SNX8: variants seen among roughly 807,000 people sequenced by gnomAD.
The protein encoded by SNX8 is sorting nexin 8.
SNX8 carries 25 observed loss-of-function variants against 51.6 expected under a neutral mutation model. That is an observed-to-expected ratio of 0.48 (90% CI 0.35 to 0.68). SNX8 has a LOEUF of 0.68. SNX8 is among the 30% of genes least tolerant of loss of function. The pLI, the probability that SNX8 is intolerant of heterozygous loss-of-function variation, is 0.00. For missense variants in SNX8, 695 were observed against 624.0 expected, an observed-to-expected ratio of 1.11 and a Z score of -1.21; for synonymous variants, 324 against 277.0, an observed-to-expected ratio of 1.17 and a Z score of -1.68.
chr7:2,275,088 G>T, intron 3 of SNX8, 24 bp downstream of exon 3: 2 of 1,520,036 alleles, frequency 1.3e-6, no homozygotes, highest in Non-Finnish European at 1.8e-6. Flanking sequence ...CTCCGCCCCC[G>T]GTGGGCAGCA....
At chr7:2,343,590 G>C (rs1161599834) in intron 1 of SNX8, among the ~76,000 whole-genome samples, 1 of 152,000 alleles carries the variant, frequency 6.6e-6, no homozygotes, top group African/African-American at 2.4e-5. Flanking sequence ...CAGGAGAATG[G>C]CGTAAACCCG....
intron 2 of SNX8, 23 bp downstream of exon 2, chr7:2,278,075 GAC>G (rs777507614): frequency 6.8e-6 from 11 of 1,606,618 alleles, no homozygotes; most frequent in Non-Finnish European, 6.0e-6. Flanking sequence ...CTCCTGCCCC[GAC>G]ACACACACAA....
At chr7:2,261,337 G>T (rs1000051263) in intron 7 of SNX8, among the ~76,000 whole-genome samples, 2 of 152,356 alleles carry the variant, frequency 1.3e-5, no homozygotes, top group South Asian at 2.1e-4. Flanking sequence ...GGAGGCTGAG[G>T]CAGGAGAATC....
chr7:2,285,293 G>A (rs1796002579), intron 1 of SNX8, among the ~76,000 whole-genome samples: 1 of 152,070 alleles, frequency 6.6e-6, no homozygotes, highest in African/African-American at 2.4e-5. Context: ...GGAGGCTGAG[G>A]CAGGAGAATT....
chr7:2,313,879 C>T (rs546433016), intron 1 of SNX8, among the ~76,000 whole-genome samples: 43 of 152,324 alleles, frequency 2.8e-4, no homozygotes, highest in African/African-American at 9.4e-4. Context: ...ACCACACAAC[C>T]GACAGGAGCT....
chr7:2,282,749 G>A (rs1795935967), intron 1 of SNX8, among the ~76,000 whole-genome samples: 3 of 152,154 alleles, frequency 2.0e-5, no homozygotes, highest in African/African-American at 7.2e-5. Context: ...GGCCGAGGCA[G>A]GTGGATCACC....
chr7:2,261,455 T>C (rs1584668911), intron 7 of SNX8, among the ~76,000 whole-genome samples: 1 of 152,146 alleles, frequency 6.6e-6, no homozygotes, highest in African/African-American at 2.4e-5. Context: ...AAAAAAGAAA[T>C]AGCTGTTTTA....
intron 2 of SNX8, among the ~76,000 whole-genome samples, chr7:2,277,539 G>A (rs761002181): frequency 6.6e-5 from 10 of 152,266 alleles, no homozygotes; most frequent in South Asian, 4.1e-4. Flanking sequence ...GGTGGCTCAC[G>A]CCAGTAATCC....
chr7:2,278,318 T>C lies in SNX8; in HGVS notation c.95-13A>G, dbSNP rs373579401. ...GGTGTCGGCAGATCTGCAGGGGAGA[T>C]GGTGAATGACCAGTGAGAATAGCTG... On this transcript the variant is annotated splice_polypyrimidine_tract_variant and intron_variant, in intron 1 of 10. Transcript: ENST00000222990. The C allele has an allele frequency of 5.4e-6, 8 of 1,478,082 alleles. No individual in the cohort carries two copies. Among genetic ancestry groups the C allele is most frequent in the Middle Eastern group, 1.8e-4 (1 of 5,554 alleles). 91.6% of individuals were successfully genotyped at this position (1,478,082 alleles called of 1,614,324 possible).
At chr7:2,300,465 T>A (rs1584718474) in intron 1 of SNX8, among the ~76,000 whole-genome samples, 1 of 152,106 alleles carries the variant, frequency 6.6e-6, no homozygotes, top group African/African-American at 2.4e-5. Context: ...TAGGCTGGAG[T>A]GCAGTGGCAC....
intron 1 of SNX8, chr7:2,308,014 T>C (rs1239917760): frequency 6.6e-6 from 1 of 152,120 alleles, no homozygotes; most frequent in East Asian, 1.9e-4. Flanking sequence ...TTCTTCAAAT[T>C]GACACGTTTT....
rs201466310 is a variant in SNX8 at position 2,257,342 on chromosome 7, T to C, written c.1134+23A>G. ...GGGAGGGGAAAGGCTCCCACGGGCC[T>C]GCTCGGCCGCCCCGCCACCCACCTC... On this transcript the variant is annotated intron_variant, in intron 9 of 10. Coordinates refer to ENST00000222990, the MANE Select transcript of SNX8 (RefSeq NM_013321.4). 4.2e-3 allele frequency: 6,662 copies of C among 1,596,908 alleles called. 36 individuals carry two copies. The highest frequency in any genetic ancestry group is 3.9e-3 in the Non-Finnish European group (4,634 of 1,177,040).
rs755209539 is a variant in SNX8, at chr7:2,269,607, C to T, written c.573G>A (p.Gln191=). ...AGTTCAGGAATTCGTCCCCGACGCA[C>T]TGTGCTGACTCCTTTAACTTGTTCT... ...DVQNKLKESA[Q]CVGDEFLNCK... Residue 191 remains glutamine (Q), a synonymous_variant, in exon 5 of 11, where the codon CAG becomes CAA. Coordinates refer to ENST00000222990, the MANE Select transcript of SNX8 (RefSeq NM_013321.4). 1 of 1,601,336 alleles carries T rather than the reference C, an allele frequency of 6.2e-7. No individual in the cohort carries two copies. Among genetic ancestry groups the T allele is most frequent in the Non-Finnish European group, 8.5e-7 (1 of 1,173,876 alleles).
upstream of SNX8, chr7:2,314,612 G>T: frequency 2.5e-6 from 1 of 395,670 alleles, no homozygotes; most frequent in Non-Finnish European, 3.6e-6. Flanking sequence ...GCCTAGCCAC[G>T]CCCACATGCC....
At chr7:2,282,436 C>T (rs1418826629) in intron 1 of SNX8, among the ~76,000 whole-genome samples, 4 of 151,998 alleles carry the variant, frequency 2.6e-5, no homozygotes, top group Admixed American at 2.6e-4. Flanking sequence ...CCCCTCTTTG[C>T]AACAAAAAAA....
rs571029653 is a variant in SNX8 at position 2,298,889 on chromosome 7, C to T, written c.94+15439G>A. 5.9e-5 allele frequency among the ~76,000 whole-genome samples: 9 copies of T among 152,112 alleles called. No individual in the cohort carries two copies. In the South Asian group the frequency reaches 8.3e-4, roughly 14 times the overall value. On this transcript the variant is annotated intron_variant, in intron 1 of 10. Coordinates refer to ENST00000222990, the MANE Select transcript of SNX8 (RefSeq NM_013321.4). Reference sequence around the variant, plus strand: ...TGGATTTTTGGTAGAGACAGGGTTTCGCCATGATGGCCAGGCTGGTCTCGA... The same window carrying T: ...TGGATTTTTGGTAGAGACAGGGTTTTGCCATGATGGCCAGGCTGGTCTCGA...
intron 1 of SNX8, among the ~76,000 whole-genome samples, chr7:2,348,124 A>T (rs953398848): frequency 2.0e-5 from 3 of 152,084 alleles, no homozygotes; most frequent in African/African-American, 7.2e-5. Context: ...GAAACTAAGT[A>T]AAAAAAGCAA....
intron 1 of SNX8, among the ~76,000 whole-genome samples, chr7:2,337,607 T>C (rs1778853801): frequency 1.3e-5 from 2 of 152,092 alleles, no homozygotes; most frequent in South Asian, 4.1e-4. Flanking sequence ...AAGTTCTACT[T>C]ATCAGAACTC....
chr7:2,319,814 C>CAA (rs35408698), intron 1 of SNX8, among the ~76,000 whole-genome samples: 49 of 78,436 alleles, frequency 6.2e-4, no homozygotes, highest in South Asian at 1.3e-3. Flanking sequence ...GACTCCGTCT[C>CAA]AAAAAAAAAA....
Sources: gnomAD v4.1 joint callset for allele counts (sites outside exome capture counted in the v4.1 genomes callset) on GRCh38, gnomAD v4.1.1 for gene constraint, MANE v1.5 for transcripts, NCBI Gene and HGNC (gene_info 2026-07-23, HGNC 2026-07-21) for gene names.